MARK1: variants seen among roughly 807,000 people sequenced by gnomAD.
MARK1 encodes the protein microtubule affinity regulating kinase 1.
A neutral mutation model predicts 96.3 loss-of-function variants in MARK1; 40 were observed. The observed-to-expected ratio is 0.42, with a 90% confidence interval of 0.32 to 0.54. The LOEUF is 0.54. MARK1 is among the 20% of genes least tolerant of loss of function. MARK1 has a pLI of 0.16. For missense variants in MARK1, 719 were observed against 984.6 expected, an observed-to-expected ratio of 0.73 and a Z score of 3.61; for synonymous variants, 317 against 341.2, an observed-to-expected ratio of 0.93 and a Z score of 0.78.
intron 1 of MARK1, among the ~76,000 whole-genome samples, chr1:220,539,005 C>A (rs1165968397): frequency 6.6e-6 from 1 of 152,084 alleles, no homozygotes; most frequent in African/African-American, 2.4e-5. Flanking sequence ...ACAATCATGT[C>A]ATCTGCAAAC....
At chr1:220,539,293 T>A (rs546076766) in intron 1 of MARK1, among the ~76,000 whole-genome samples, 48 of 152,170 alleles carry the variant, frequency 3.2e-4, no homozygotes, top group Non-Finnish European at 5.4e-4. Flanking sequence ...TGTTGAATTT[T>A]GTCAAAGGCC....
At chr1:220,632,160 T>G (rs1446809602) in intron 10 of MARK1, 41 bp from the exon 11 acceptor site, 1 of 1,024,364 alleles carries the variant, frequency 9.8e-7, no homozygotes, top group East Asian at 2.7e-5. Flanking sequence ...TTTACGAAAA[T>G]AAAACCATTT....
At chr1:220,563,464 A>C (rs143258453) in intron 1 of MARK1, among the ~76,000 whole-genome samples, 35 of 152,364 alleles carry the variant, frequency 2.3e-4, no homozygotes, top group Admixed American at 1.3e-3. Flanking sequence ...CTATAGAAGT[A>C]AATAAGACAG....
At chr1:220,649,475 C>T (rs189907622) in intron 13 of MARK1, among the ~76,000 whole-genome samples, 23 of 152,220 alleles carry the variant, frequency 1.5e-4, no homozygotes, top group African/African-American at 5.3e-4. Flanking sequence ...ATGATCTGCC[C>T]TCCTAGGCCT....
chr1:220,538,546 C>T (rs1194883470), intron 1 of MARK1, among the ~76,000 whole-genome samples: 6 of 151,986 alleles, frequency 3.9e-5, no homozygotes, highest in Admixed American at 6.6e-5. Flanking sequence ...ATTGACTTGG[C>T]GATGTGGGCT....
intron 12 of MARK1, 96 bp from the exon 13 acceptor site, chr1:220,635,737 C>A: frequency 1.6e-6 from 2 of 1,212,968 alleles, no homozygotes; most frequent in Non-Finnish European, 2.3e-6. Flanking sequence ...TTAAAGCATG[C>A]AAATATGGAT....
In MARK1 at chr1:220,663,250, A is replaced by G. The variant is rs1669576013; in HGVS notation, c.*1084A>G. ...CAAAACATACTATTTATAACAGTATATGATTGATTTATGCTTATGTGGTTG... is the reference window on the plus strand; with the variant it reads ...CAAAACATACTATTTATAACAGTATGTGATTGATTTATGCTTATGTGGTTG... On this transcript the variant is annotated 3_prime_UTR_variant, in exon 18 of 18. Transcript: ENST00000366917. 6.6e-6 allele frequency: 1 copy of G among 152,566 alleles called. No individual in the cohort carries two copies. The highest frequency in any genetic ancestry group is 1.5e-5 in the Non-Finnish European group (1 of 68,022). The allele number at this position is 152,566 out of a possible 1,614,324, so 9.5% of individuals were successfully genotyped here. A position where few individuals can be genotyped will look rare whatever the true frequency, so the allele number is the denominator to read the frequency against.
intron 3 of MARK1, among the ~76,000 whole-genome samples, chr1:220,588,731 A>G (rs1306427745): frequency 6.6e-6 from 1 of 152,192 alleles, no homozygotes; most frequent in Non-Finnish European, 1.5e-5. Flanking sequence ...TAGATAAAAT[A>G]TATATATACA....
chr1:220,547,269 T>C (rs1339685833), intron 1 of MARK1, among the ~76,000 whole-genome samples: 2 of 152,214 alleles, frequency 1.3e-5, no homozygotes, highest in East Asian at 1.9e-4. Flanking sequence ...AAATAAAGTA[T>C]TTACTAGTAG....
At chr1:220,544,492 G>A (rs1247065363) in intron 1 of MARK1, among the ~76,000 whole-genome samples, 3 of 152,142 alleles carry the variant, frequency 2.0e-5, no homozygotes, top group African/African-American at 4.8e-5. Flanking sequence ...TCCACCATGG[G>A]ATGACGCAGG....
intron 14 of MARK1, among the ~76,000 whole-genome samples, chr1:220,650,980 A>C (rs1393366327): frequency 6.6e-6 from 1 of 152,208 alleles, no homozygotes; most frequent in Non-Finnish European, 1.5e-5. Flanking sequence ...TTCTATAACA[A>C]AGCAGATCAT....
chr1:220,579,615 G>T (rs934163726), intron 2 of MARK1, 58 bp downstream of exon 2: 7 of 1,401,906 alleles, frequency 5.0e-6, no homozygotes, highest in Non-Finnish European at 6.1e-6. Flanking sequence ...TCTTGTTAAA[G>T]CTTCCTTATA....
intron 1 of MARK1, among the ~76,000 whole-genome samples, chr1:220,577,354 A>G (rs2102829928): frequency 2.0e-5 from 3 of 152,380 alleles, no homozygotes; most frequent in Middle Eastern, 3.4e-3. Context: ...TACTAGTTGT[A>G]GGAAATATCA....
chr1:220,551,896 G>C (rs566727255), intron 1 of MARK1, among the ~76,000 whole-genome samples: 1 of 152,142 alleles, frequency 6.6e-6, no homozygotes, highest in Admixed American at 6.6e-5. Context: ...TTTGTTCTTT[G>C]CCTGGTGAAG....
Position 220,661,263 on chromosome 1 carries a change from T to C in MARK1, c.2034-549T>C, listed in dbSNP as rs575181649. Among the ~76,000 whole-genome samples, 456 of 152,274 alleles carry C rather than the reference T, an allele frequency of 3.0e-3. 4 individuals carry two copies. The highest frequency in any genetic ancestry group is 0.011 in the African/African-American group (440 of 41,550). ...TTGTAGACTGTTTTAAGGATGTCTT[T>C]AGTGAAATGAGAAGTCACTGGAGGA... On this transcript the variant is annotated intron_variant, in intron 17 of 17. Coordinates refer to ENST00000366917, the MANE Select transcript of MARK1 (RefSeq NM_018650.5).
At chr1:220,599,416 T>C (rs1348012255) in intron 4 of MARK1, among the ~76,000 whole-genome samples, 4 of 152,120 alleles carry the variant, frequency 2.6e-5, no homozygotes, top group Non-Finnish European at 4.4e-5. Flanking sequence ...TTCTTTTGTT[T>C]CTGTACCAAA....
intron 1 of MARK1, among the ~76,000 whole-genome samples, chr1:220,539,252 T>G (rs1660955395): frequency 6.6e-6 from 1 of 152,222 alleles, no homozygotes; most frequent in South Asian, 2.1e-4. Flanking sequence ...CATCAATACC[T>G]AATTTATTGA....
At chr1:220,538,177 C>T (rs1660861914) in intron 1 of MARK1, among the ~76,000 whole-genome samples, 1 of 151,420 alleles carries the variant, frequency 6.6e-6, no homozygotes, top group Non-Finnish European at 1.5e-5. Context: ...AATGGTAATG[C>T]CTAGGTTTTC....
chr1:220,638,562 T>G (rs1015813630), intron 13 of MARK1, among the ~76,000 whole-genome samples: 2 of 152,206 alleles, frequency 1.3e-5, no homozygotes, highest in African/African-American at 4.8e-5. Flanking sequence ...CACAGCAGCT[T>G]TCTCAGAGTC....
Sources: allele counts gnomAD v4.1 joint callset (sites outside exome capture counted in the v4.1 genomes callset), GRCh38; gene constraint gnomAD v4.1.1; transcripts MANE v1.5; gene names NCBI Gene and HGNC (gene_info 2026-07-23, HGNC 2026-07-21).